FRMPD4: variants seen among roughly 807,000 people sequenced by gnomAD.
FRMPD4 encodes the protein FERM and PDZ domain containing 4.
Under a neutral mutation model 94.1 loss-of-function variants are expected in FRMPD4, and 22 were observed. The observed-to-expected ratio is 0.23, with a 90% CI of 0.17 to 0.33. The LOEUF is 0.33. Ranked by LOEUF, FRMPD4 falls within the 10% of genes least tolerant of loss-of-function variation. The probability of loss-of-function intolerance (pLI) is 1.00; values close to 1 mark genes in which losing one functional copy is unlikely to be tolerated. For missense variants in FRMPD4, 1,111 were observed against 1,339.9 expected, an observed-to-expected ratio of 0.83 and a Z score of 2.67; for synonymous variants, 631 against 548.6, an observed-to-expected ratio of 1.15 and a Z score of -2.10.
chrX:12,257,694 T>C (rs1339982735), intron 1 of FRMPD4, among the ~76,000 whole-genome samples: 4 of 111,771 alleles, frequency 3.6e-5, no homozygotes, highest in African/African-American at 9.7e-5. Flanking sequence ...GAAAATAATT[T>C]ATGTTCTGAG....
At chrX:12,317,585 C>CAAA (rs376884335) in intron 1 of FRMPD4, among the ~76,000 whole-genome samples, 11 of 42,425 alleles carry the variant, frequency 2.6e-4, no homozygotes, top group African/African-American at 3.3e-4. Flanking sequence ...AACTAAATAG[C>CAAA]AAAAAAAAAA....
intron 1 of FRMPD4, among the ~76,000 whole-genome samples, chrX:12,317,749 A>G (rs1272015301): frequency 1.8e-5 from 2 of 111,740 alleles, no homozygotes; most frequent in Non-Finnish European, 3.8e-5. Context: ...CAAATCAAAA[A>G]TACGATGAGA....
chrX:12,452,987 G>A (rs757631578), intron 1 of FRMPD4, among the ~76,000 whole-genome samples: 1 of 112,113 alleles, frequency 8.9e-6, no homozygotes, highest in African/African-American at 3.2e-5. Flanking sequence ...CCTGTAGAAG[G>A]TAGAGTAGAA....
At chrX:12,471,818 C>T (rs2057516913) in intron 1 of FRMPD4, among the ~76,000 whole-genome samples, 1 of 112,158 alleles carries the variant, frequency 8.9e-6, no homozygotes, top group Non-Finnish European at 1.9e-5. Flanking sequence ...TGTCTCACAT[C>T]ATGTCTGCCA....
intron 4 of FRMPD4, among the ~76,000 whole-genome samples, chrX:12,658,994 A>G (rs1484162349): frequency 8.9e-6 from 1 of 112,294 alleles, no homozygotes; most frequent in Non-Finnish European, 1.9e-5. Context: ...GCAATGGCCC[A>G]TCAGGCCCCA....
At chrX:12,046,090 T>C (rs1311996617) in intron 3 of FRMPD4, among the ~76,000 whole-genome samples, 1 of 110,926 alleles carries the variant, frequency 9.0e-6, no homozygotes, top group African/African-American at 3.3e-5. Flanking sequence ...ATCTTGAATA[T>C]AAAAAGGACT....
At chrX:12,040,472 C>A (rs1167550971) in intron 3 of FRMPD4, among the ~76,000 whole-genome samples, 1 of 107,133 alleles carries the variant, frequency 9.3e-6, no homozygotes, top group Non-Finnish European at 1.9e-5. Context: ...TTCAGCCAAT[C>A]TGGCAATCTC....
chrX:12,690,446 T>C, intron 8 of FRMPD4, 120 bp downstream of exon 8: 2 of 593,652 alleles, frequency 3.4e-6, no homozygotes, highest in Non-Finnish European at 5.1e-6. Flanking sequence ...GGGTATCCTC[T>C]GTAAAGGAAG....
intron 1 of FRMPD4, among the ~76,000 whole-genome samples, chrX:12,210,835 G>T (rs1324921913): frequency 9.0e-6 from 1 of 111,508 alleles, no homozygotes; most frequent in Non-Finnish European, 1.9e-5. Flanking sequence ...ATTTAAAGAG[G>T]CAACATTGAA....
intron 3 of FRMPD4, among the ~76,000 whole-genome samples, chrX:12,108,643 G>A (rs1324162019): frequency 8.9e-6 from 1 of 111,815 alleles, no homozygotes; most frequent in African/African-American, 3.3e-5. Context: ...TGGATAAAGA[G>A]TCAAGACCCA....
At chrX:12,587,660 G>C (rs749025611) in intron 2 of FRMPD4, among the ~76,000 whole-genome samples, 2 of 111,077 alleles carry the variant, frequency 1.8e-5, no homozygotes, top group South Asian at 7.7e-4. Flanking sequence ...GTGTGTGTGT[G>C]TGTGTGTGTG....
chrX:11,933,528 T>C (rs2054133459), intron 3 of FRMPD4, among the ~76,000 whole-genome samples: 1 of 112,820 alleles, frequency 8.9e-6, no homozygotes, highest in African/African-American at 3.2e-5. Context: ...AAATGTGTTA[T>C]TTTATTGCTG....
chrX:11,839,486 T>C (rs1416945523), intron 1 of FRMPD4, among the ~76,000 whole-genome samples: 3 of 111,861 alleles, frequency 2.7e-5, no homozygotes, highest in Admixed American at 9.5e-5. Flanking sequence ...TTACATATTC[T>C]ATATAAAAGC....
chrX:11,922,313 G>A (rs149233279), intron 3 of FRMPD4, among the ~76,000 whole-genome samples: 266 of 111,079 alleles, frequency 2.4e-3, no homozygotes, highest in African/African-American at 7.7e-3. Flanking sequence ...GCAAGAGAGC[G>A]GGTGTGGGGT....
intron 2 of FRMPD4, among the ~76,000 whole-genome samples, chrX:12,554,124 ACAT>A (rs1400109928): frequency 1.8e-5 from 2 of 112,274 alleles, no homozygotes; most frequent in Non-Finnish European, 3.8e-5. Flanking sequence ...ATATTTACAA[ACAT>A]CATTGCCCTT....
chrX:12,289,118 T>A (rs1308762976), intron 1 of FRMPD4, among the ~76,000 whole-genome samples: 1 of 111,837 alleles, frequency 8.9e-6, no homozygotes, highest in Non-Finnish European at 1.9e-5. Context: ...GTGCCTCATG[T>A]CATGGGGTTT....
chrX:12,291,383 G>T (rs1401107153), intron 1 of FRMPD4, among the ~76,000 whole-genome samples: 2 of 111,612 alleles, frequency 1.8e-5, no homozygotes, highest in Non-Finnish European at 3.8e-5. Context: ...CCAGAGGATT[G>T]TCCTCGGCTC....
intron 3 of FRMPD4, among the ~76,000 whole-genome samples, chrX:12,049,032 G>T (rs760487612): frequency 2.7e-5 from 3 of 111,251 alleles, no homozygotes; most frequent in Non-Finnish European, 3.8e-5. Flanking sequence ...AAATGAAATT[G>T]GTAGTTTAAT....
At chrX:12,703,840 C>T (rs1186322103) in intron 10 of FRMPD4, among the ~76,000 whole-genome samples, 1 of 111,704 alleles carries the variant, frequency 9.0e-6, no homozygotes, top group Non-Finnish European at 1.9e-5. Context: ...GGGAGTTAGA[C>T]AGGAACTGGC....
Sources: gnomAD v4.1 joint callset for allele counts (sites outside exome capture counted in the v4.1 genomes callset) on GRCh38, gnomAD v4.1.1 for gene constraint, MANE v1.5 for transcripts, NCBI Gene and HGNC (gene_info 2026-07-23, HGNC 2026-07-21) for gene names.